The following SAMD12 variants were observed in gnomAD, a reference collection of about 807,000 sequenced individuals.
The protein encoded by SAMD12 is sterile alpha motif domain-containing protein 12.
A neutral mutation model predicts 15.0 loss-of-function variants in SAMD12; 9 were observed. That is an observed-to-expected ratio of 0.60 (90% CI 0.36 to 1.05). The LOEUF (loss-of-function observed/expected upper bound fraction) is 1.05, where lower values mean the gene tolerates loss of function less well. SAMD12 is among the 50% of genes least tolerant of loss of function. The pLI is 0.01. For synonymous variants in SAMD12, 86 were observed against 90.1 expected (o/e 0.96, Z 0.25); for missense variants, 230 against 234.2 (o/e 0.98, Z 0.12).
chr8:118,335,478 A>C (rs1343654231), intron 4 of SAMD12, among the ~76,000 whole-genome samples: 1 of 152,198 alleles, frequency 6.6e-6, no homozygotes. Flanking sequence ...GTACCTAGCA[A>C]AGAATTTTCA....
the SAMD12 span, among the ~76,000 whole-genome samples, chr8:118,159,702 A>T: frequency 5.3e-5 from 7 of 133,178 alleles, no homozygotes; most frequent in Admixed American, 3.5e-4. Flanking sequence ...TATATAACAA[A>T]TTTTTTCTTT....
At chr8:118,419,795 A>G (rs1015791332) in intron 3 of SAMD12, among the ~76,000 whole-genome samples, 1 of 152,202 alleles carries the variant, frequency 6.6e-6, no homozygotes, top group African/African-American at 2.4e-5. Context: ...CACTAGATAC[A>G]TGCTTCACCA....
intron 3 of SAMD12, among the ~76,000 whole-genome samples, chr8:118,436,224 C>T (rs750341124): frequency 1.1e-4 from 17 of 152,176 alleles, no homozygotes; most frequent in Non-Finnish European, 1.9e-4. Flanking sequence ...TCCATAAATA[C>T]TTCCTAAATG....
At chr8:118,256,779 TACACACACACACACACACAC>T (rs3052764) in intron 4 of SAMD12, among the ~76,000 whole-genome samples, 2 of 139,776 alleles carry the variant, frequency 1.4e-5, no homozygotes, top group East Asian at 4.2e-4. Context: ...CTGCATAAGA[TACACACACACACACACACAC>T]ACACACACAC....
chr8:118,187,140 A>G (rs1029612577), downstream of SAMD12, among the ~76,000 whole-genome samples: 5 of 152,234 alleles, frequency 3.3e-5, no homozygotes, highest in Non-Finnish European at 7.3e-5. Flanking sequence ...TCTCGTGAGA[A>G]AGGGAACATC....
chr8:118,267,701 T>TTG (rs10671962), intron 4 of SAMD12, among the ~76,000 whole-genome samples: 45,577 of 147,430 alleles, frequency 0.31, 6,797 homozygotes, highest in East Asian at 0.49. Flanking sequence ...TTCCCATCTG[T>TTG]TGTGTGTGTG....
chr8:118,229,655 G>T (rs1270499369), intron 4 of SAMD12, among the ~76,000 whole-genome samples: 4 of 152,176 alleles, frequency 2.6e-5, no homozygotes, highest in African/African-American at 7.2e-5. Flanking sequence ...GGAACTCAAT[G>T]AGTTAATGTG....
intron 2 of SAMD12, among the ~76,000 whole-genome samples, chr8:118,496,511 T>G (rs552210114): frequency 1.3e-5 from 2 of 152,310 alleles, no homozygotes; most frequent in South Asian, 4.1e-4. Context: ...GGTAAATGGA[T>G]AGCCATATAC....
chr8:118,513,683 G>T (rs796488206), intron 2 of SAMD12, among the ~76,000 whole-genome samples: 3 of 152,354 alleles, frequency 2.0e-5, no homozygotes, highest in African/African-American at 7.2e-5. Flanking sequence ...GAGAATATGG[G>T]GAGGGGTGGA....
At chr8:118,518,449 C>G (rs1343475765) in intron 2 of SAMD12, among the ~76,000 whole-genome samples, 1 of 152,154 alleles carries the variant, frequency 6.6e-6, no homozygotes, top group Admixed American at 6.5e-5. Flanking sequence ...GAATAATAAC[C>G]TCTTTTATCT....
At chr8:118,370,143 T>G (rs1432830128) in intron 4 of SAMD12, among the ~76,000 whole-genome samples, 1 of 151,952 alleles carries the variant, frequency 6.6e-6, no homozygotes, top group African/African-American at 2.4e-5. Flanking sequence ...CAGACACTTC[T>G]CAAAAGAAGA....
intron 4 of SAMD12, among the ~76,000 whole-genome samples, chr8:118,344,985 C>T (rs1451166173): frequency 6.6e-6 from 1 of 152,054 alleles, no homozygotes; most frequent in Admixed American, 6.6e-5. Context: ...ATAAAGTGTA[C>T]AGCAGTGTTC....
At chr8:118,216,284 T>C (rs1200540776) in intron 4 of SAMD12, among the ~76,000 whole-genome samples, 14 of 152,134 alleles carry the variant, frequency 9.2e-5, no homozygotes, top group Non-Finnish European at 1.5e-5. Context: ...TGTCTGTTCA[T>C]GTCCTTCGCC....
At chr8:118,501,129 A>G (rs1311336522) in intron 2 of SAMD12, among the ~76,000 whole-genome samples, 1 of 152,208 alleles carries the variant, frequency 6.6e-6, no homozygotes, top group Admixed American at 6.5e-5. Flanking sequence ...AAGCCAATCT[A>G]GCATGAGCTG....
intron 4 of SAMD12, among the ~76,000 whole-genome samples, chr8:118,235,911 C>T (rs963996646): frequency 1.3e-5 from 2 of 152,134 alleles, no homozygotes; most frequent in African/African-American, 4.8e-5. Context: ...GGGAAAACAA[C>T]GCAATAGTAT....
rs557512638 is a variant in SAMD12, at chr8:118,284,971, A to G, written c.434-87239T>C. The stretch of plus-strand genomic sequence containing the variant: ...AAAAAAAAAAAAAAAAAAGAAGAAG[A>G]AGCAGTGAATCAAAATTCATCTGTT... On this transcript the variant is annotated intron_variant, in intron 4 of 4. Coordinates refer to the SAMD12 transcript ENST00000409003. 2.0e-5 allele frequency: 3 copies of G among 150,736 alleles called. No individual in the cohort carries two copies. The South Asian group carries it at 6.3e-4, about 32-fold the overall frequency. The allele number at this position is 150,736 out of a possible 1,614,324, so 9.3% of individuals were successfully genotyped here.
At chr8:118,282,593 G>C (rs1813704612) in intron 4 of SAMD12, among the ~76,000 whole-genome samples, 1 of 152,172 alleles carries the variant, frequency 6.6e-6, no homozygotes, top group African/African-American at 2.4e-5. Context: ...TGGGGTGGTG[G>C]TGGTGGTGGT....
intron 4 of SAMD12, among the ~76,000 whole-genome samples, chr8:118,311,073 T>C (rs960108383): frequency 6.6e-6 from 1 of 152,242 alleles, no homozygotes; most frequent in African/African-American, 2.4e-5. Flanking sequence ...GGGTAATTAG[T>C]CTCATTTTAC....
chr8:118,350,436 G>A (rs1283408840), intron 4 of SAMD12, among the ~76,000 whole-genome samples: 2 of 152,232 alleles, frequency 1.3e-5, no homozygotes, highest in South Asian at 2.1e-4. Context: ...CTGAGGTCAC[G>A]CTCCAGCCCT....
Sources: gnomAD v4.1 joint callset for allele counts (sites outside exome capture counted in the v4.1 genomes callset) on GRCh38, gnomAD v4.1.1 for gene constraint, MANE v1.5 for transcripts, NCBI Gene and HGNC (gene_info 2026-07-23, HGNC 2026-07-21) for gene names.